The following TANK variants were observed in gnomAD, a reference collection of about 807,000 sequenced individuals.
TANK encodes the protein TRAF family member associated NFKB activator.
Under a neutral mutation model 43.6 loss-of-function variants are expected in TANK, and 15 were observed. That is an observed-to-expected ratio of 0.34 (90% confidence interval 0.23 to 0.53). TANK has a LOEUF of 0.53. Ranked by LOEUF, TANK falls within the 20% of genes least tolerant of loss-of-function variation. The probability of loss-of-function intolerance (pLI) is 0.94; values close to 1 mark genes in which losing one functional copy is unlikely to be tolerated. For missense variants in TANK, 417 were observed against 498.6 expected, an observed-to-expected ratio of 0.84 and a Z score of 1.56; for synonymous variants, 162 against 178.2, an observed-to-expected ratio of 0.91 and a Z score of 0.73.
At chr2:161,167,184 T>C (rs1378155202) in intron 1 of TANK, among the ~76,000 whole-genome samples, 1 of 152,252 alleles carries the variant, frequency 6.6e-6, no homozygotes, top group African/African-American at 2.4e-5. Flanking sequence ...TACTAAAGAA[T>C]GACTAATCAT....
intron 1 of TANK, among the ~76,000 whole-genome samples, chr2:161,177,878 GATAAATTGCC>G (rs1685237861): frequency 6.6e-6 from 1 of 152,038 alleles, no homozygotes; most frequent in South Asian, 2.1e-4. Context: ...GATTTGAATG[GATAAATTGCC>G]AGAGTTACAC....
chr2:161,143,513 T>C (rs947884985), intron 1 of TANK, among the ~76,000 whole-genome samples: 4 of 152,232 alleles, frequency 2.6e-5, no homozygotes, highest in African/African-American at 9.6e-5. Flanking sequence ...TATTGAGAGA[T>C]TTTAACATGA....
At chr2:161,166,942 C>G (rs570218881) in intron 1 of TANK, among the ~76,000 whole-genome samples, 4 of 152,222 alleles carry the variant, frequency 2.6e-5, no homozygotes, top group Non-Finnish European at 5.9e-5. Context: ...AGGCTGGTGG[C>G]TTTCTTTTCT....
At position 161,137,025 on chromosome 2, in the gene TANK, G is replaced by C. The variant is rs115052720; in HGVS notation, c.-88G>C. The C allele has an allele frequency of 1.3e-5, 13 of 985,238 alleles. No homozygotes were observed. In the Admixed American group the frequency reaches 6.8e-4, roughly 51 times the overall value. 61.0% of individuals were successfully genotyped at this position (985,238 alleles called of 1,614,324 possible). On this transcript the variant is annotated 5_prime_UTR_variant, in exon 1 of 8. Transcript: ENST00000259075. The stretch of plus-strand genomic sequence containing the variant: ...TGTAACTGTCTTCATCTTTACAGAG[G>C]AATAGTCTACAAAGGAAGACTTGTA...
At chr2:161,178,524 C>T (rs1685272028) in intron 1 of TANK, among the ~76,000 whole-genome samples, 1 of 150,548 alleles carries the variant, frequency 6.6e-6, no homozygotes, top group Admixed American at 6.6e-5. Flanking sequence ...TTGGGACTAA[C>T]TTAATAGGTA....
Position 161,203,588 on chromosome 2 carries a change from C to A in TANK, c.201C>A (p.Ser67=). Residue 67 remains serine, a synonymous_variant, in exon 3 of 8, where the codon TCC becomes TCA. Transcript: ENST00000392749. ...AATCTCAGTTACTTCTTGTGAATTC[C>A]ACTCAAGGTATGTTCATGTTAATTT... ...KLKSQLLLVN[S]TQDNNYGCVP... is the part of the protein sequence containing the mutation. 1 of 1,599,706 alleles carries A rather than the reference C, an allele frequency of 6.3e-7. No homozygotes were observed.
At chr2:161,138,224 A>G (rs1683643917) in intron 1 of TANK, among the ~76,000 whole-genome samples, 1 of 152,210 alleles carries the variant, frequency 6.6e-6, no homozygotes, top group Non-Finnish European at 1.5e-5. Flanking sequence ...AAGAATAATC[A>G]TAGGAAAAAT....
intron 1 of TANK, among the ~76,000 whole-genome samples, chr2:161,173,825 A>T (rs1312156954): frequency 1.3e-5 from 2 of 152,114 alleles, no homozygotes; most frequent in African/African-American, 4.8e-5. Context: ...ACCAATCAGG[A>T]TACAGCTCAG....
chr2:161,226,512 CTG>C (rs1325464914), intron 6 of TANK, among the ~76,000 whole-genome samples: 1 of 152,104 alleles, frequency 6.6e-6, no homozygotes, highest in Non-Finnish European at 1.5e-5. Flanking sequence ...GTATGCTACA[CTG>C]TATAAAAATA....
intron 2 of TANK, among the ~76,000 whole-genome samples, chr2:161,193,006 A>G (rs567502855): frequency 1.4e-4 from 22 of 152,302 alleles, no homozygotes; most frequent in African/African-American, 5.3e-4. Flanking sequence ...ATGAATCCTT[A>G]CTTTGTGATT....
upstream of TANK, among the ~76,000 whole-genome samples, chr2:161,155,746 C>T (rs1684207412): frequency 6.6e-6 from 1 of 152,156 alleles, no homozygotes; most frequent in African/African-American, 2.4e-5. Flanking sequence ...CCTCTCAAGG[C>T]TGGATGATGG....
chr2:161,210,707 A>G (rs1686846928), intron 4 of TANK, among the ~76,000 whole-genome samples: 1 of 151,942 alleles, frequency 6.6e-6, no homozygotes. Flanking sequence ...AAAAAAAAAA[A>G]AAAAAAAGAA....
At chr2:161,204,984 C>G (rs763036736) in intron 4 of TANK, 191 bp downstream of exon 4, 72 of 1,354,552 alleles carry the variant, frequency 5.3e-5, no homozygotes, top group Non-Finnish European at 6.7e-5. Flanking sequence ...GTATTTCCTA[C>G]TGACCGTTTT....
At chr2:161,161,047 TG>T in intron 1 of TANK, 1 of 589,136 alleles carries the variant, frequency 1.7e-6, no homozygotes, top group Non-Finnish European at 2.9e-6. Flanking sequence ...AGGGAGTGGG[TG>T]GCCAAGGCAG....
intron 6 of TANK, among the ~76,000 whole-genome samples, chr2:161,229,151 G>C (rs1339526913): frequency 6.6e-6 from 1 of 152,234 alleles, no homozygotes; most frequent in Non-Finnish European, 1.5e-5. Context: ...GTTGGGCAAA[G>C]AGTAATGGGA....
intron 4 of TANK, among the ~76,000 whole-genome samples, chr2:161,211,597 T>G (rs193148913): frequency 4.1e-4 from 63 of 152,378 alleles, no homozygotes; most frequent in African/African-American, 1.4e-3. Context: ...AAATCTCATT[T>G]ACATCATCTA....
intron 4 of TANK, among the ~76,000 whole-genome samples, chr2:161,211,465 G>T (rs1402656783): frequency 6.6e-6 from 1 of 152,092 alleles, no homozygotes; most frequent in African/African-American, 2.4e-5. Context: ...TATATTCATT[G>T]TAAAAGCTTT....
chr2:161,216,427 CATCTT>C, intron 4 of TANK: 1 of 470,104 alleles, frequency 2.1e-6, no homozygotes, highest in Non-Finnish European at 4.4e-6. Context: ...TCTTGCTTCT[CATCTT>C]ATCCTGAGCC....
At chr2:161,197,101 G>A (rs942013855) in intron 2 of TANK, among the ~76,000 whole-genome samples, 20 of 152,074 alleles carry the variant, frequency 1.3e-4, no homozygotes, top group Non-Finnish European at 2.9e-5. Context: ...GAGGAAAAAT[G>A]GAAGGCAAAG....
Sources: gnomAD v4.1 joint callset for allele counts (sites outside exome capture counted in the v4.1 genomes callset) on GRCh38, gnomAD v4.1.1 for gene constraint, MANE v1.5 for transcripts, NCBI Gene and HGNC (gene_info 2026-07-23, HGNC 2026-07-21) for gene names.